The following MAGI2 variants were observed in gnomAD, a reference collection of about 807,000 sequenced individuals.
The protein encoded by MAGI2 is membrane associated guanylate kinase, WW and PDZ domain containing 2.
Under a neutral mutation model 133.3 loss-of-function variants are expected in MAGI2, and 35 were observed. The observed-to-expected ratio is 0.26, with a 90% CI of 0.20 to 0.35. The LOEUF is 0.35. Among genes scored for constraint, MAGI2 ranks in the 10% least tolerant of loss-of-function variants. The probability of loss-of-function intolerance (pLI) is 1.00; values close to 1 mark genes in which losing one functional copy is unlikely to be tolerated. For synonymous variants in MAGI2, 729 were observed against 710.6 expected, an observed-to-expected ratio of 1.03 and a Z score of -0.41; for missense variants, 1,636 against 1,863.4, an observed-to-expected ratio of 0.88 and a Z score of 2.25.
chr7:78,781,689 T>C (rs1826413248), intron 2 of MAGI2, among the ~76,000 whole-genome samples: 1 of 152,094 alleles, frequency 6.6e-6, no homozygotes, highest in South Asian at 2.1e-4. Flanking sequence ...ATAGCTTACA[T>C]AGTAAAAAAT....
At chr7:78,254,809 CGT>C (rs376640163) in intron 10 of MAGI2, 11 of 152,336 alleles carry the variant, frequency 7.2e-5, no homozygotes, top group African/African-American at 2.6e-4. Flanking sequence ...GTTTGTCACA[CGT>C]GTGTCCTTCA....
Position 79,002,115 on chromosome 7 carries a change from GCTT to G in MAGI2, c.418+4972_418+4974del, listed in dbSNP as rs933127505. ...TAATCGTAGAAAGATTCATTCACAG[GCTT>G]CTTCTTCTTCTTCTTCTTTTTTTTT... On this transcript the variant is annotated intron_variant, in intron 2 of 21. Transcript: ENST00000354212. 4.1e-3 allele frequency among the ~76,000 whole-genome samples: 586 copies of G among 144,590 alleles called. 9 individuals are homozygous for G. Among genetic ancestry groups the G allele is most frequent in the African/African-American group, 0.014 (551 of 39,330 alleles). 94.9% of individuals were successfully genotyped at this position (144,590 alleles called of 152,430 possible).
intron 6 of MAGI2, among the ~76,000 whole-genome samples, chr7:78,387,892 C>T (rs1209122328): frequency 6.6e-6 from 1 of 151,836 alleles, no homozygotes; most frequent in Non-Finnish European, 1.5e-5. Context: ...CGCCACTGCA[C>T]TCCAGCCTGG....
intron 2 of MAGI2, among the ~76,000 whole-genome samples, chr7:78,946,041 T>G (rs990357627): frequency 4.6e-5 from 7 of 152,166 alleles, no homozygotes; most frequent in African/African-American, 1.7e-4. Context: ...GTTAAAATAT[T>G]TGTAACTAGC....
intron 21 of MAGI2, among the ~76,000 whole-genome samples, chr7:78,073,267 T>G (rs1814906269): frequency 2.6e-5 from 4 of 152,222 alleles, no homozygotes; most frequent in Non-Finnish European, 5.9e-5. Flanking sequence ...CGATTAACTT[T>G]GAAAATGAAA....
Position 78,201,189 on chromosome 7 carries a change from GA to G in MAGI2, c.2051del (p.Phe684SerfsTer11). On this transcript the variant is annotated frameshift_variant, in exon 11 of 22. Coordinates refer to ENST00000354212, the MANE Select transcript of MAGI2 (RefSeq NM_012301.4). LOFTEE classifies it high-confidence loss of function. ...GCTTTGGAGTTTTCCATGGAGAAAA[GA>G]AACCTGTAATAAAGAAAACAATATT... The part of the protein sequence containing the change: ...ETSLIIHRGG[F>X]FSPWKTPKPI... 6.8e-7 allele frequency: 1 copy of G among 1,478,612 alleles called. No individual in the cohort carries two copies. 91.6% of individuals were successfully genotyped at this position (1,478,612 alleles called of 1,614,324 possible). A position where few individuals can be genotyped will look rare whatever the true frequency, so the allele number is the denominator to read the frequency against.
At chr7:78,843,032 G>A (rs1184685954) in intron 2 of MAGI2, among the ~76,000 whole-genome samples, 1 of 151,876 alleles carries the variant, frequency 6.6e-6, no homozygotes, top group Admixed American at 6.6e-5. Context: ...ATGATTGATG[G>A]TTTAAAATAG....
chr7:78,896,526 G>GAT (rs528215482), intron 2 of MAGI2, among the ~76,000 whole-genome samples: 4,072 of 147,494 alleles, frequency 0.028, 74 homozygotes, highest in Middle Eastern at 0.047. Context: ...CTCTAAATGG[G>GAT]ATATATATAT....
At chr7:78,030,747 G>A (rs528839265) in intron 21 of MAGI2, among the ~76,000 whole-genome samples, 6 of 152,326 alleles carry the variant, frequency 3.9e-5, no homozygotes, top group African/African-American at 7.2e-5. Context: ...TGGCAAGAAC[G>A]TGGAGCAATT....
intron 4 of MAGI2, among the ~76,000 whole-genome samples, chr7:78,504,047 A>T (rs1056299682): frequency 6.6e-6 from 1 of 152,134 alleles, no homozygotes; most frequent in Non-Finnish European, 1.5e-5. Context: ...CATTTCTGAA[A>T]ATTTGTAATA....
chr7:79,435,425 G>A (rs978713795), intron 1 of MAGI2, among the ~76,000 whole-genome samples: 3 of 152,054 alleles, frequency 2.0e-5, no homozygotes, highest in Non-Finnish European at 2.9e-5. Context: ...CAAAATAAGT[G>A]CATAATTTAT....
intron 6 of MAGI2, among the ~76,000 whole-genome samples, chr7:78,403,461 C>T (rs573358249): frequency 1.2e-4 from 19 of 152,176 alleles, no homozygotes; most frequent in South Asian, 1.0e-3. Context: ...AATAAACATA[C>T]GTGTGCATGT....
chr7:78,563,811 A>G (rs1432272952), intron 3 of MAGI2, among the ~76,000 whole-genome samples: 2 of 152,180 alleles, frequency 1.3e-5, no homozygotes, highest in Admixed American at 6.5e-5. Context: ...CCAATGAACA[A>G]GATTATAGTC....
chr7:79,069,247 C>T lies in MAGI2; in HGVS notation c.302-62041G>A, dbSNP rs140692202. Among the ~76,000 whole-genome samples, 676 of 151,994 alleles carry T rather than the reference C, an allele frequency of 4.4e-3. 7 individuals are homozygous for T. The highest frequency in any genetic ancestry group is 0.015 in the African/African-American group (632 of 41,474). On this transcript the variant is annotated intron_variant, in intron 1 of 21. Transcript: ENST00000354212. Reference sequence around the variant, plus strand: ...GTGTGGGAGTCTAAGCCTCTTTGTACGTCTCTAAGAACTTGCTTTATGAAT... The same window carrying T: ...GTGTGGGAGTCTAAGCCTCTTTGTATGTCTCTAAGAACTTGCTTTATGAAT...
chr7:78,142,583 T>G (rs2150560862), intron 16 of MAGI2, among the ~76,000 whole-genome samples: 1 of 152,314 alleles, frequency 6.6e-6, no homozygotes, highest in Admixed American at 6.5e-5. Context: ...TGAAAATTAT[T>G]CTTATAAGTC....
chr7:79,260,214 T>C (rs1046084234), intron 1 of MAGI2, among the ~76,000 whole-genome samples: 2 of 151,986 alleles, frequency 1.3e-5, no homozygotes, highest in African/African-American at 2.4e-5. Context: ...AAATTAGTCA[T>C]GCATGGTGGC....
intron 1 of MAGI2, among the ~76,000 whole-genome samples, chr7:79,432,528 G>C (rs1847846754): frequency 6.6e-6 from 1 of 152,198 alleles, no homozygotes; most frequent in Non-Finnish European, 1.5e-5. Flanking sequence ...ATAATATTTG[G>C]GAAAGAAGTG....
At chr7:79,294,721 C>CTTTTTTTTTT (rs1161010284) in intron 1 of MAGI2, among the ~76,000 whole-genome samples, 1 of 83,166 alleles carries the variant, frequency 1.2e-5, no homozygotes, top group Non-Finnish European at 2.1e-5. Context: ...ATTTTGGTAG[C>CTTTTTTTTTT]TTTTTTTTTT....
At chr7:79,157,972 G>GTGTC (rs1562949553) in intron 1 of MAGI2, among the ~76,000 whole-genome samples, 48 of 145,862 alleles carry the variant, frequency 3.3e-4, no homozygotes, top group African/African-American at 1.1e-3. Flanking sequence ...GTGTGTGTGT[G>GTGTC]TGTGTATTTA....
Sources: gnomAD v4.1 joint callset for allele counts (sites outside exome capture counted in the v4.1 genomes callset) on GRCh38, gnomAD v4.1.1 for gene constraint, MANE v1.5 for transcripts, NCBI Gene and HGNC (gene_info 2026-07-23, HGNC 2026-07-21) for gene names.